JPH3: variants seen among roughly 807,000 people sequenced by gnomAD.
JPH3 encodes the protein junctophilin 3.
Under a neutral mutation model 59.6 loss-of-function variants are expected in JPH3, and 11 were observed. The ratio of observed to expected loss-of-function variants is 0.18; its 90% CI spans 0.12 to 0.31. The LOEUF (loss-of-function observed/expected upper bound fraction) is 0.31. Ranked by LOEUF, JPH3 falls within the 10% of genes least tolerant of loss-of-function variation. The probability of loss-of-function intolerance (pLI) is 1.00; values close to 1 mark genes in which losing one functional copy is unlikely to be tolerated. For missense variants in JPH3, 1,202 were observed against 1,105.7 expected, an observed-to-expected ratio of 1.09 and a Z score of -1.24; for synonymous variants, 673 against 483.6, an observed-to-expected ratio of 1.39 and a Z score of -5.14.
chr16:87,661,710 G>T (rs1316134865), intron 2 of JPH3, among the ~76,000 whole-genome samples: 1 of 152,214 alleles, frequency 6.6e-6, no homozygotes, highest in African/African-American at 2.4e-5. Context: ...CCAAGAGCAG[G>T]GTCAGCACCT....
At position 87,672,749 on chromosome 16, in the gene JPH3, G is replaced by A. The variant is rs1338941225; in HGVS notation, c.1161-11393G>A. Among the ~76,000 whole-genome samples, 6 of 152,222 alleles carry A rather than the reference G, an allele frequency of 3.9e-5. No individual in the cohort carries two copies. In the East Asian group the frequency reaches 5.8e-4, roughly 15 times the overall value. On this transcript the variant is annotated intron_variant, in intron 2 of 4. Coordinates refer to ENST00000284262, the MANE Select transcript of JPH3 (RefSeq NM_020655.4). The stretch of plus-strand genomic sequence containing the variant: ...GGCATCTATAAATGGGTGGTGGTGC[G>A]GAATGGGTGGTTGATTAAATGGTAT...
intron 2 of JPH3, among the ~76,000 whole-genome samples, chr16:87,648,973 A>G (rs920918539): frequency 1.3e-5 from 2 of 152,126 alleles, no homozygotes; most frequent in Admixed American, 6.5e-5. Context: ...TGCCGCCGGG[A>G]GGCCTTGGCC....
chr16:87,665,861 C>T (rs2032844250), intron 2 of JPH3, among the ~76,000 whole-genome samples: 1 of 152,208 alleles, frequency 6.6e-6, no homozygotes, highest in African/African-American at 2.4e-5. Context: ...GAACACTGGT[C>T]CCTGGGACAC....
chr16:87,660,031 G>T (rs554451710), intron 2 of JPH3, among the ~76,000 whole-genome samples: 1 of 151,514 alleles, frequency 6.6e-6, no homozygotes, highest in African/African-American at 2.4e-5. Context: ...TAGTGTGGAG[G>T]TCGGGGGTAC....
chr16:87,696,828 T>G lies in JPH3; in HGVS notation c.*168T>G. The G allele has an allele frequency of 1.6e-6, 1 of 631,708 alleles. No individual in the cohort carries two copies. The highest frequency in any genetic ancestry group is 1.9e-5 in the South Asian group (1 of 52,604). The allele number at this position is 631,708 out of a possible 1,614,324, so 39.1% of individuals were successfully genotyped here. On this transcript the variant is annotated 3_prime_UTR_variant, in exon 5 of 5. Coordinates refer to ENST00000284262, the MANE Select transcript of JPH3 (RefSeq NM_020655.4). The stretch of plus-strand genomic sequence containing the variant: ...GTATCACTCACAGTTTGCCTTTTTT[T>G]CTGGGTAATGTTTTTTGGATTTTAG...
intron 2 of JPH3, among the ~76,000 whole-genome samples, chr16:87,662,295 T>C (rs2032730015): frequency 6.6e-6 from 1 of 152,164 alleles, no homozygotes; most frequent in Non-Finnish European, 1.5e-5. Context: ...GTGTACTCTG[T>C]CGATGTTTAA....
At chr16:87,629,572 C>T (rs1025356673) in intron 1 of JPH3, among the ~76,000 whole-genome samples, 5 of 150,286 alleles carry the variant, frequency 3.3e-5, no homozygotes, top group East Asian at 2.0e-4. Context: ...TGGTGCTCAG[C>T]GGGATAAGCC....
intron 2 of JPH3, among the ~76,000 whole-genome samples, chr16:87,680,373 G>A (rs1308747476): frequency 6.6e-6 from 1 of 152,224 alleles, no homozygotes; most frequent in African/African-American, 2.4e-5. Context: ...AGGAAGCGGT[G>A]TGGACCCAGA....
chr16:87,646,435 A>G (rs529385222), intron 2 of JPH3, among the ~76,000 whole-genome samples: 94 of 152,360 alleles, frequency 6.2e-4, no homozygotes, highest in Middle Eastern at 6.8e-3. Flanking sequence ...ATGTTCAGGC[A>G]GGGAAATAAA....
chr16:87,689,805 C>T lies in JPH3; in HGVS notation c.1445C>T (p.Thr482Ile), dbSNP rs1318517771. The change falls in exon 4 of 5, where the codon ACC becomes ATC. Residue 482 changes from threonine to isoleucine, a missense_variant. Physicochemically the swap from Thr to Ile is moderately conservative, Grantham distance 89. Coordinates refer to ENST00000284262, the MANE Select transcript of JPH3 (RefSeq NM_020655.4). ...PDDSPLQSFP[T>I]SPAATPPPAP... ...GACAGCCCCCTGCAGAGCTTCCCCA[C>T]CAGCCCCGCGGCCACCCCGCCGCCC... is the stretch of plus-strand genomic sequence containing the variant. 6.3e-7 allele frequency: 1 copy of T among 1,591,352 alleles called. No individual in the cohort carries two copies. Among genetic ancestry groups the T allele is most frequent in the East Asian group, 2.3e-5 (1 of 43,854 alleles).
Position 87,696,872 on chromosome 16 carries a change from A to G in JPH3, c.*212A>G, listed in dbSNP as rs551657954. The G allele has an allele frequency of 1.6e-5, 9 of 564,482 alleles. No individual in the cohort carries two copies. The highest frequency in any genetic ancestry group is 9.3e-5 in the East Asian group (3 of 32,292). 35.0% of individuals were successfully genotyped at this position (564,482 alleles called of 1,614,324 possible). On this transcript the variant is annotated 3_prime_UTR_variant, in exon 5 of 5. Coordinates refer to ENST00000284262, the MANE Select transcript of JPH3 (RefSeq NM_020655.4). ...ATTTTAGCCAAAATTCTTTGCTTGT[A>G]TAACACTCTGCTGTGTGGCATGGCA...
In JPH3 at chr16:87,602,899, A is replaced by C. The variant is rs1236517964; in HGVS notation, c.-248A>C. 2.5e-5 allele frequency: 5 copies of C among 196,688 alleles called. No homozygotes were observed. Among genetic ancestry groups the C allele is most frequent in the South Asian group, 1.2e-4 (3 of 24,640 alleles). The allele number at this position is 196,688 out of a possible 1,614,324, so 12.2% of individuals were successfully genotyped here. Reference sequence around the variant, plus strand: ...CCCCCTCCCCTCCGGTCCTGTCTCCAGCGGGAGCGCGAGACGCTGGTCAGG... The same window carrying C: ...CCCCCTCCCCTCCGGTCCTGTCTCCCGCGGGAGCGCGAGACGCTGGTCAGG... On this transcript the variant is annotated 5_prime_UTR_variant, in exon 1 of 5. Transcript: ENST00000284262.
At chr16:87,607,105 G>T (rs758743218) in intron 1 of JPH3, among the ~76,000 whole-genome samples, 1 of 152,128 alleles carries the variant, frequency 6.6e-6, no homozygotes, top group Non-Finnish European at 1.5e-5. Context: ...TATATCTCTC[G>T]TTCTCTTGTG....
chr16:87,682,919 C>T (rs1477318559), intron 2 of JPH3, among the ~76,000 whole-genome samples: 3 of 152,262 alleles, frequency 2.0e-5, no homozygotes, highest in Admixed American at 6.5e-5. Flanking sequence ...ATTCTGCCTT[C>T]GGGACGTCTG....
chr16:87,688,557 C>G (rs953668354), intron 3 of JPH3, among the ~76,000 whole-genome samples: 1 of 151,958 alleles, frequency 6.6e-6, no homozygotes, highest in Non-Finnish European at 1.5e-5. Context: ...GCGTGAGAGA[C>G]TCTAAGATGG....
At chr16:87,601,866 G>A (rs1597227055), upstream of JPH3, 1 of 152,188 alleles carries the variant, frequency 6.6e-6, no homozygotes, top group Non-Finnish European at 1.5e-5. Context: ...CAAGATACAC[G>A]CGTGTGTCCC....
At chr16:87,679,417 T>C (rs1483941987) in intron 2 of JPH3, among the ~76,000 whole-genome samples, 2 of 152,184 alleles carry the variant, frequency 1.3e-5, no homozygotes, top group African/African-American at 2.4e-5. Flanking sequence ...AAATGCACTT[T>C]CCAGGGAATG....
intron 2 of JPH3, among the ~76,000 whole-genome samples, chr16:87,670,501 G>C (rs192206738): frequency 6.6e-6 from 1 of 152,340 alleles, no homozygotes; most frequent in African/African-American, 2.4e-5. Flanking sequence ...ACCTGTCCCT[G>C]TGAGCGGCCT....
intron 2 of JPH3, among the ~76,000 whole-genome samples, chr16:87,668,203 C>T (rs1425712882): frequency 1.3e-5 from 2 of 152,228 alleles, no homozygotes; most frequent in East Asian, 1.9e-4. Flanking sequence ...AAGCTCTGGC[C>T]TCTTCACCAG....
Sources: allele counts gnomAD v4.1 joint callset (sites outside exome capture counted in the v4.1 genomes callset), GRCh38; gene constraint gnomAD v4.1.1; transcripts MANE v1.5; gene names NCBI Gene and HGNC (gene_info 2026-07-23, HGNC 2026-07-21).